The following DRAM2 variants were observed in gnomAD, a reference collection of about 807,000 sequenced individuals.
DRAM2 encodes the protein DNA damage-regulated autophagy modulator protein 2.
Under a neutral mutation model 33.5 loss-of-function variants are expected in DRAM2, and 26 were observed. That is an observed-to-expected ratio of 0.78 (90% confidence interval 0.57 to 1.08). DRAM2 has a LOEUF of 1.08. Ranked by LOEUF, DRAM2 falls within the 50% of genes least tolerant of loss-of-function variation. The pLI, the probability that DRAM2 is intolerant of heterozygous loss-of-function variation, is 0.00. For missense variants in DRAM2, 311 were observed against 318.1 expected, an observed-to-expected ratio of 0.98 and a Z score of 0.17; for synonymous variants, 98 against 109.5, an observed-to-expected ratio of 0.89 and a Z score of 0.66.
At chr1:111,119,075 C>T (rs892826459) in intron 8 of DRAM2, among the ~76,000 whole-genome samples, 178 bp from the exon 9 acceptor site, 2 of 151,850 alleles carry the variant, frequency 1.3e-5, no homozygotes, top group Admixed American at 6.6e-5. Context: ...GGAAATCCTC[C>T]TAAATGACAC....
chr1:111,131,307 G>A, intron 4 of DRAM2, 117 bp downstream of exon 4: 1 of 1,138,348 alleles, frequency 8.8e-7, no homozygotes, highest in South Asian at 1.8e-5. Flanking sequence ...TCCCTTTATT[G>A]TTGTAATGCC....
chr1:111,118,559 G>GT, intron 9 of DRAM2: 1 of 471,678 alleles, frequency 2.1e-6, no homozygotes, highest in South Asian at 4.2e-5. Flanking sequence ...CAAATTCTAT[G>GT]TAAGAATTTC....
At chr1:111,130,848 AAAAAAG>A (rs1423687784) in intron 4 of DRAM2, among the ~76,000 whole-genome samples, 3 of 151,836 alleles carry the variant, frequency 2.0e-5, no homozygotes, top group African/African-American at 7.3e-5. Flanking sequence ...TGCAAAAAAA[AAAAAAG>A]AAATCAGCTG....
At chr1:111,125,162 C>T (rs1650769099) in intron 5 of DRAM2, among the ~76,000 whole-genome samples, 1 of 152,158 alleles carries the variant, frequency 6.6e-6, no homozygotes, top group Non-Finnish European at 1.5e-5. Context: ...TAGGCACATA[C>T]CTGTGTGCCT....
At chr1:111,118,319 C>T in intron 9 of DRAM2, 52 bp from the exon 10 acceptor site, 1 of 1,251,184 alleles carries the variant, frequency 8.0e-7, no homozygotes, top group African/African-American at 1.5e-5. Context: ...AAAGAGAGAT[C>T]ACTCCTTCAA....
rs368808594 is a variant in DRAM2, at chr1:111,126,237, C to T, written c.189G>A (p.Ala63=). ...ACTTTCATTACTTACATAAAACTGC[C>T]GCAATATTTAGCATTGCCCCAAATA... ...KCLFGAMLNI[A]AVLCIATIYV... Residue 63 remains alanine, a synonymous_variant, in exon 5 of 10, where the codon GCG becomes GCA. Coordinates refer to ENST00000484310, the MANE Select transcript of DRAM2 (RefSeq NM_001349884.2). The T allele has an allele frequency of 3.1e-5, 50 of 1,608,092 alleles. 1 individual carries two copies. Among genetic ancestry groups the T allele is most frequent in the Middle Eastern group, 3.3e-4 (2 of 6,072 alleles).
chr1:111,136,336 C>A (rs771486076), intron 3 of DRAM2, among the ~76,000 whole-genome samples: 1 of 152,174 alleles, frequency 6.6e-6, no homozygotes, highest in Non-Finnish European at 1.5e-5. Flanking sequence ...GAGGCCGAGG[C>A]AGGCGGATCA....
intron 3 of DRAM2, among the ~76,000 whole-genome samples, chr1:111,136,383 G>A (rs146785388): frequency 1.6e-4 from 24 of 152,072 alleles, no homozygotes; most frequent in African/African-American, 3.6e-4. Context: ...TGGCCAGCAC[G>A]GTGAAACCCA....
At chr1:111,133,422 C>T (rs1293818142) in intron 3 of DRAM2, among the ~76,000 whole-genome samples, 1 of 152,198 alleles carries the variant, frequency 6.6e-6, no homozygotes, top group African/African-American at 2.4e-5. Context: ...AAGTGATCCA[C>T]CTGCCTTGGC....
At chr1:111,133,590 C>T (rs1194263167) in intron 3 of DRAM2, among the ~76,000 whole-genome samples, 2 of 152,200 alleles carry the variant, frequency 1.3e-5, no homozygotes, top group Admixed American at 1.3e-4. Context: ...ATTTACTATG[C>T]CTTAGCAGTG....
In DRAM2 at chr1:111,117,188, T is replaced by C. The variant is rs752331719; in HGVS notation, c.*972A>G. ...TATCACACTTATTTTGCATGTAGTT[T>C]AATTGGATTGCCAATTTTGTTCTTT... On this transcript the variant is annotated 3_prime_UTR_variant, in exon 10 of 10. Transcript: ENST00000484310. The C allele has an allele frequency of 6.6e-6, 1 of 152,182 alleles. No individual in the cohort carries two copies. Among genetic ancestry groups the C allele is most frequent in the African/African-American group, 2.4e-5 (1 of 41,468 alleles). The allele number at this position is 152,182 out of a possible 1,614,324, so 9.4% of individuals were successfully genotyped here.
In DRAM2 at chr1:111,124,756, C is replaced by T; in HGVS notation, c.325G>A (p.Val109Met). The change falls in exon 6 of 10, where the codon GTG becomes ATG. Residue 109 changes from valine (V) to methionine (M), a missense_variant. Physicochemically the swap from Val to Met is conservative, Grantham distance 21. Coordinates refer to ENST00000484310, the MANE Select transcript of DRAM2 (RefSeq NM_001349884.2). The part of the protein sequence containing the change: ...GILSCLGLSI[V>M]ANFQKTTLFA... ...AAAACACAAACCTGGAAGTTTGCCA[C>T]AATAGAAAGTCCTAAACAACTCAGT... 1.2e-6 allele frequency: 2 copies of T among 1,613,226 alleles called. No homozygotes were observed. Among genetic ancestry groups the T allele is most frequent in the South Asian group, 1.1e-5 (1 of 91,052 alleles).
rs527669886 is a variant in DRAM2, at chr1:111,121,899, A to G, written c.340-1206T>C. On this transcript the variant is annotated intron_variant, in intron 6 of 9. Transcript: ENST00000484310. The stretch of plus-strand genomic sequence containing the variant: ...AAGAAATACATCAACTAAAAAATAA[A>G]AATAATAAATTTACAACCATGGATA... Among the ~76,000 whole-genome samples, 6 of 152,296 alleles carry G rather than the reference A, an allele frequency of 3.9e-5. No individual in the cohort carries two copies. The South Asian group carries it at 1.2e-3, about 32-fold the overall frequency.
intron 5 of DRAM2, 28 bp downstream of exon 5, chr1:111,126,199 T>C: frequency 1.3e-6 from 2 of 1,496,968 alleles, no homozygotes; most frequent in African/African-American, 1.4e-5. Flanking sequence ...TTGGCTATTA[T>C]CATGTTAAAA....
rs369824924 is a variant in DRAM2 at position 111,120,702 on chromosome 1, T to G, written c.340-9A>C. 1.7e-5 allele frequency: 26 copies of G among 1,486,656 alleles called. No homozygotes were observed. The highest frequency in any genetic ancestry group is 2.2e-5 in the Non-Finnish European group (25 of 1,113,988). 92.1% of individuals were successfully genotyped at this position (1,486,656 alleles called of 1,614,324 possible). A position where few individuals can be genotyped will look rare whatever the true frequency, so the allele number is the denominator to read the frequency against. On this transcript the variant is annotated splice_polypyrimidine_tract_variant and intron_variant, in intron 6 of 9. Coordinates refer to ENST00000484310, the MANE Select transcript of DRAM2 (RefSeq NM_001349884.2). ...GCAAAAAGGGTTGTTTTCTGAGAGA[T>G]AGAGAGAAGAAATACGTCAATAAAA...
intron 4 of DRAM2, chr1:111,128,130 GTTTC>G (rs1350706339): frequency 5.9e-5 from 7 of 118,404 alleles, no homozygotes. Context: ...CATTTTCTTC[GTTTC>G]TTTTTTTTTT....
At chr1:111,131,087 A>G (rs12724869) in intron 4 of DRAM2, among the ~76,000 whole-genome samples, 20 of 152,208 alleles carry the variant, frequency 1.3e-4, no homozygotes, top group Admixed American at 1.2e-3. Context: ...ATCTTTTCAT[A>G]TCATTATTAT....
intron 8 of DRAM2, 120 bp downstream of exon 8, chr1:111,119,757 C>T: frequency 1.2e-6 from 1 of 809,658 alleles, no homozygotes; most frequent in Non-Finnish European, 2.0e-6. Context: ...AATTTTAATA[C>T]AGAACTGATT....
At position 111,117,757 on chromosome 1, in the gene DRAM2, ATTAT is replaced by A. The variant is rs1393900549; in HGVS notation, c.*399_*402del. The A allele has an allele frequency of 3.4e-5, 6 of 178,838 alleles. No individual in the cohort carries two copies. The highest frequency in any genetic ancestry group is 1.1e-4 in the South Asian group (1 of 9,104). 11.1% of individuals were successfully genotyped at this position (178,838 alleles called of 1,614,324 possible). On this transcript the variant is annotated 3_prime_UTR_variant, in exon 10 of 10. Coordinates refer to ENST00000484310, the MANE Select transcript of DRAM2 (RefSeq NM_001349884.2). ...CTAAAGGATTTACTGACTAATGCTGATTATTTAGTCATGGAAAATGTCTCTCATA... is the reference window on the plus strand; with the variant it reads ...CTAAAGGATTTACTGACTAATGCTGATTAGTCATGGAAAATGTCTCTCATA...
Sources: allele counts gnomAD v4.1 joint callset (sites outside exome capture counted in the v4.1 genomes callset), GRCh38; gene constraint gnomAD v4.1.1; transcripts MANE v1.5; gene names NCBI Gene and HGNC (gene_info 2026-07-23, HGNC 2026-07-21).